EVA1C: variants seen among roughly 807,000 people sequenced by gnomAD.
EVA1C encodes protein eva-1 homolog C.
EVA1C carries 25 observed loss-of-function variants against 45.4 expected under a neutral mutation model. The observed-to-expected ratio is 0.55, with a 90% CI of 0.40 to 0.77. The LOEUF is 0.77. Among genes scored for constraint, EVA1C ranks in the 30% least tolerant of loss-of-function variants. The pLI is 0.00. For synonymous variants in EVA1C, 190 were observed against 221.2 expected (o/e 0.86, Z 1.25); for missense variants, 479 against 554.8 (o/e 0.86, Z 1.37).
At chr21:32,445,922 C>T (rs559197484) in intron 1 of EVA1C, among the ~76,000 whole-genome samples, 10 of 152,116 alleles carry the variant, frequency 6.6e-5, no homozygotes, top group African/African-American at 2.4e-4. Flanking sequence ...GCACCAAGAT[C>T]CCTGAGCGAT....
chr21:32,497,676 T>C (rs2037396955), intron 5 of EVA1C, among the ~76,000 whole-genome samples: 1 of 152,310 alleles, frequency 6.6e-6, no homozygotes, highest in Non-Finnish European at 1.5e-5. Flanking sequence ...TTCACACTGC[T>C]GATAAAGACA....
chr21:32,447,685 C>T (rs1171280694), intron 1 of EVA1C, among the ~76,000 whole-genome samples: 5 of 152,106 alleles, frequency 3.3e-5, no homozygotes, highest in African/African-American at 4.8e-5. Flanking sequence ...ACTTTCTTCA[C>T]TTCCACTCAC....
chr21:32,428,788 T>A (rs947400726), intron 1 of EVA1C: 2 of 152,240 alleles, frequency 1.3e-5, no homozygotes, highest in Non-Finnish European at 2.9e-5. Context: ...AAAAAGGCAG[T>A]GTTGACTATT....
At chr21:32,489,580 A>T (rs1160671065) in intron 4 of EVA1C, among the ~76,000 whole-genome samples, 1 of 152,134 alleles carries the variant, frequency 6.6e-6, no homozygotes, top group Admixed American at 6.5e-5. Flanking sequence ...TTGGCTGTTC[A>T]TGGTCTTTTG....
At chr21:32,467,602 A>C in intron 3 of EVA1C, 94 bp from the exon 4 acceptor site, 12 of 1,221,952 alleles carry the variant, frequency 9.8e-6, no homozygotes, top group Non-Finnish European at 1.2e-5. Flanking sequence ...CTCAGGGTGC[A>C]GCCCCGGGGA....
At chr21:32,477,080 C>T (rs913642873) in intron 4 of EVA1C, among the ~76,000 whole-genome samples, 9 of 152,172 alleles carry the variant, frequency 5.9e-5, no homozygotes, top group African/African-American at 2.2e-4. Context: ...AAGAGAGATG[C>T]CACTGAATGC....
chr21:32,472,725 A>G (rs934067755), intron 4 of EVA1C, among the ~76,000 whole-genome samples: 1 of 152,172 alleles, frequency 6.6e-6, no homozygotes, highest in East Asian at 1.9e-4. Flanking sequence ...GAGTGGAGGA[A>G]TTCTGAGGTC....
intron 3 of EVA1C, among the ~76,000 whole-genome samples, chr21:32,463,148 TTTGCCCA>T (rs1183813612): frequency 1.3e-5 from 2 of 152,200 alleles, no homozygotes; most frequent in Non-Finnish European, 1.5e-5. Flanking sequence ...AATCGCGGTT[TTTGCCCA>T]TTGCTTTTAA....
At chr21:32,485,662 T>C (rs2036949746) in intron 4 of EVA1C, among the ~76,000 whole-genome samples, 2 of 152,168 alleles carry the variant, frequency 1.3e-5, no homozygotes, top group African/African-American at 2.4e-5. Flanking sequence ...GCCAAATTGT[T>C]TGAGTTCCTG....
rs73353075 is a variant in EVA1C at position 32,476,202 on chromosome 21, G to A, written c.634+8354G>A. The stretch of plus-strand genomic sequence containing the variant: ...ATTTTATGAGTTCTTGGCAGAGTAG[G>A]GATAGTAACCCTTGACATGCTTTTT... On this transcript the variant is annotated intron_variant, in intron 4 of 7. Transcript: ENST00000300255. Among the ~76,000 whole-genome samples the A allele has an allele frequency of 6.5e-3, 987 of 152,016 alleles. 13 individuals are homozygous for A. Among genetic ancestry groups the A allele is most frequent in the African/African-American group, 0.022 (931 of 41,446 alleles).
intron 1 of EVA1C, among the ~76,000 whole-genome samples, chr21:32,442,316 C>A (rs2146208239): frequency 6.6e-6 from 1 of 152,218 alleles, no homozygotes; most frequent in Admixed American, 6.5e-5. Flanking sequence ...CAATTAACCT[C>A]CAGGTTCACT....
chr21:32,479,200 T>G (rs944726195), intron 4 of EVA1C, among the ~76,000 whole-genome samples: 1 of 152,138 alleles, frequency 6.6e-6, no homozygotes, highest in Non-Finnish European at 1.5e-5. Context: ...GCGAGTGGAT[T>G]GCTTGAGGTC....
At chr21:32,491,547 G>A (rs557109288) in intron 4 of EVA1C, among the ~76,000 whole-genome samples, 2 of 152,008 alleles carry the variant, frequency 1.3e-5, no homozygotes, top group Admixed American at 1.3e-4. Flanking sequence ...AAATTAGCCG[G>A]GCATGGTGGC....
chr21:32,411,731 G>C (rs2033833631), upstream of EVA1C, among the ~76,000 whole-genome samples: 1 of 152,222 alleles, frequency 6.6e-6, no homozygotes, highest in Admixed American at 6.5e-5. Flanking sequence ...GGAACACTGT[G>C]TGCCTAGCGC....
At chr21:32,463,698 G>T (rs2146288417) in intron 3 of EVA1C, among the ~76,000 whole-genome samples, 1 of 151,324 alleles carries the variant, frequency 6.6e-6, no homozygotes, top group East Asian at 1.9e-4. Flanking sequence ...AAGAGATGTG[G>T]CTAATAAATG....
chr21:32,509,139 T>TC (rs774696725), intron 7 of EVA1C, among the ~76,000 whole-genome samples: 13 of 152,348 alleles, frequency 8.5e-5, no homozygotes, highest in South Asian at 4.1e-4. Flanking sequence ...CCTAGCCAAG[T>TC]GGTGGCTTTG....
intron 1 of EVA1C, among the ~76,000 whole-genome samples, chr21:32,427,947 GTGGACAGTGAC>G (rs1339696321): frequency 6.6e-6 from 1 of 151,672 alleles, no homozygotes; most frequent in African/African-American, 2.4e-5. Context: ...ACCTTAAACA[GTGGACAGTGAC>G]TTTTCTCATT....
intron 4 of EVA1C, among the ~76,000 whole-genome samples, chr21:32,485,044 A>G (rs1307655338): frequency 1.3e-5 from 2 of 152,118 alleles, no homozygotes; most frequent in Non-Finnish European, 2.9e-5. Context: ...AGAAGCGTCA[A>G]ACATATTAGA....
At chr21:32,413,831 C>G (rs1272264520) in intron 1 of EVA1C, among the ~76,000 whole-genome samples, 1 of 152,220 alleles carries the variant, frequency 6.6e-6, no homozygotes, top group Non-Finnish European at 1.5e-5. Flanking sequence ...ACCTGGATCT[C>G]CCTCTGGCAA....
Sources: allele counts gnomAD v4.1 joint callset (sites outside exome capture counted in the v4.1 genomes callset), GRCh38; gene constraint gnomAD v4.1.1; transcripts MANE v1.5; gene names NCBI Gene and HGNC (gene_info 2026-07-23, HGNC 2026-07-21).